Variants in CDHR4 observed in about 807,000 individuals in gnomAD.
The protein encoded by CDHR4 is cadherin related family member 4.
Under a neutral mutation model 88.4 loss-of-function variants are expected in CDHR4, and 89 were observed. The ratio of observed to expected loss-of-function variants is 1.01; its 90% CI spans 0.85 to 1.20. The LOEUF (loss-of-function observed/expected upper bound fraction) is 1.20, where lower values mean the gene tolerates loss of function less well. CDHR4 is among the 50% of genes most tolerant of loss of function. The pLI is 0.00. For synonymous variants in CDHR4, 368 were observed against 399.2 expected, an observed-to-expected ratio of 0.92 and a Z score of 0.93; for missense variants, 914 against 1,007.2, an observed-to-expected ratio of 0.91 and a Z score of 1.25.
At position 49,795,881 on chromosome 3, in the gene CDHR4, C is replaced by A; in HGVS notation, c.710+62G>T. 4.0e-6 allele frequency: 6 copies of A among 1,515,524 alleles called. No individual in the cohort carries two copies. Among genetic ancestry groups the A allele is most frequent in the Non-Finnish European group, 5.3e-6 (6 of 1,126,778 alleles). 93.9% of individuals were successfully genotyped at this position (1,515,524 alleles called of 1,614,324 possible). A position where few individuals can be genotyped will look rare whatever the true frequency, so the allele number is the denominator to read the frequency against. On this transcript the variant is annotated intron_variant, in intron 6 of 18. Coordinates refer to ENST00000412678, the MANE Select transcript of CDHR4 (RefSeq NM_001007540.4). The surrounding 1 kb of genome is among the most constrained non-coding windows in gnomAD (Gnocchi z 5.4). ...GGGACTCAGCTCCAGCAGCCTCACC[C>A]TACCTGATTCCCTGGGGCTAGGCCC...
Position 49,795,353 on chromosome 3 carries a change from G to A in CDHR4, c.874C>T (p.Pro292Ser). Residue 292 changes from proline (P) to serine (S), a missense_variant, in exon 8 of 19, where the codon CCC (proline) becomes TCC (serine). Pro to Ser is a moderately conservative substitution (Grantham distance 74, BLOSUM62 -1). Transcript: ENST00000412678. The surrounding 1 kb of genome is among the most constrained non-coding windows in gnomAD (Gnocchi z 5.4). Reference sequence around the variant, plus strand: ...CCTGAGGTGCGAGCTAACTCTAGGGGCGTGGTGGTCCGGACCACACCGTCT... The same window carrying A: ...CCTGAGGTGCGAGCTAACTCTAGGGACGTGGTGGTCCGGACCACACCGTCT... ...RADGVVRTTTPLELARTSGTA... is the reference protein window; with the variant it reads ...RADGVVRTTTSLELARTSGTA... 1.3e-6 allele frequency: 2 copies of A among 1,551,194 alleles called. No homozygotes were observed. The highest frequency in any genetic ancestry group is 2.7e-5 in the African/African-American group (2 of 73,132).
Position 49,791,436 on chromosome 3 carries a change from C to T in CDHR4, c.2311+5G>A, listed in dbSNP as rs1479289310. The T allele has an allele frequency of 1.3e-6, 2 of 1,543,040 alleles. No homozygotes were observed. Among genetic ancestry groups the T allele is most frequent in the South Asian group, 1.2e-5 (1 of 82,460 alleles). On this transcript the variant is annotated splice_donor_5th_base_variant and intron_variant, in intron 18 of 18. Coordinates refer to ENST00000412678, the MANE Select transcript of CDHR4 (RefSeq NM_001007540.4). ...AGAGAATAGCTTAGGAAGAGGGGGA[C>T]TCACGGGAGTCCTGTGCTCTGCCAT... is the stretch of plus-strand genomic sequence containing the variant.
chr3:49,796,909 A>G lies in CDHR4; in HGVS notation c.606+13T>C. 1.3e-6 allele frequency: 2 copies of G among 1,546,610 alleles called. No homozygotes were observed. The highest frequency in any genetic ancestry group is 8.8e-7 in the Non-Finnish European group (1 of 1,142,514). ...CAATCCATAAACACCCTCAGATTCCAGGTCATGCTCACCTTTTGAGCCTGG... is the reference window on the plus strand; with the variant it reads ...CAATCCATAAACACCCTCAGATTCCGGGTCATGCTCACCTTTTGAGCCTGG... On this transcript the variant is annotated intron_variant, in intron 5 of 18. Transcript: ENST00000412678.
chr3:49,790,852 C>CTG lies in CDHR4; in HGVS notation c.2345_2346dup (p.Gly783GlnfsTer11), dbSNP rs779824210. 103 of 1,551,194 alleles carry CTG rather than the reference C, an allele frequency of 6.6e-5. No individual in the cohort carries two copies. Among genetic ancestry groups the CTG allele is most frequent in the East Asian group, 3.7e-4 (15 of 40,938 alleles). On this transcript the variant is annotated frameshift_variant, in exon 19 of 19. Transcript: ENST00000412678. LOFTEE classifies it high-confidence loss of function. ...TGGCCTCAGAGCCAGCGCCGGGCTCCTGTGTGTGTGTTAAACAGGTAGTCT... is the reference window on the plus strand; with the variant it reads ...TGGCCTCAGAGCCAGCGCCGGGCTCCTGTGTGTGTGTGTTAAACAGGTAGTCT...
upstream of CDHR4, among the ~76,000 whole-genome samples, chr3:49,801,291 G>A (rs1559426159): frequency 6.6e-6 from 1 of 152,126 alleles, no homozygotes; most frequent in Non-Finnish European, 1.5e-5. Context: ...ATTTCTCCTG[G>A]CTGTTCCTGC....
chr3:49,794,077 G>T, intron 10 of CDHR4, 71 bp from the exon 11 acceptor site: 1 of 1,449,026 alleles, frequency 6.9e-7, no homozygotes, highest in Non-Finnish European at 9.4e-7. Flanking sequence ...TGAGGAGGGA[G>T]ACAGGGCCCT....
At position 49,792,836 on chromosome 3, in the gene CDHR4, C is replaced by T. The variant is rs1270803798; in HGVS notation, c.1995+18G>A. On this transcript the variant is annotated intron_variant, in intron 14 of 18. Transcript: ENST00000412678. The stretch of plus-strand genomic sequence containing the variant: ...TCCACCCTTCCCACCCTGCTGAGGG[C>T]CCAAGGAGCCTCCTCACTGTGGTTC... 2.6e-6 allele frequency: 4 copies of T among 1,519,256 alleles called. No homozygotes were observed. Among genetic ancestry groups the T allele is most frequent in the Admixed American group, 2.0e-5 (1 of 48,840 alleles). The allele number at this position is 1,519,256 out of a possible 1,614,324, so 94.1% of individuals were successfully genotyped here. A position where few individuals can be genotyped will look rare whatever the true frequency, so the allele number is the denominator to read the frequency against.
In CDHR4 at chr3:49,796,362, C is replaced by CT. The variant is rs1379863533; in HGVS notation, c.607-317dup. Among the ~76,000 whole-genome samples, 529 of 146,056 alleles carry CT rather than the reference C, an allele frequency of 3.6e-3. 4 individuals carry two copies. The highest frequency in any genetic ancestry group is 9.5e-3 in the African/African-American group (380 of 40,126). ...ACTGCACTGACCATTTTACTCAGAA[C>CT]TTTTTTTTTTTTTGCCCATGTTGGA... On this transcript the variant is annotated intron_variant, in intron 5 of 18. Coordinates refer to ENST00000412678, the MANE Select transcript of CDHR4 (RefSeq NM_001007540.4).
Position 49,793,976 on chromosome 3 carries a change from G to T in CDHR4, c.1310C>A (p.Pro437His). The T allele has an allele frequency of 1.9e-6, 3 of 1,551,686 alleles. No homozygotes were observed. The highest frequency in any genetic ancestry group is 2.6e-6 in the Non-Finnish European group (3 of 1,147,002). ...ACAGGCTGGGGAGAACTCGTTGATGGGTGTCACCATCACCAGTACCGGCAC... is the reference window on the plus strand; with the variant it reads ...ACAGGCTGGGGAGAACTCGTTGATGTGTGTCACCATCACCAGTACCGGCAC... ...TEVPVLVMVT[P>H]INEFSPACAP... Residue 437 changes from proline to histidine, a missense_variant, in exon 11 of 19, where the codon CCC becomes CAC. Pro to His is a moderately conservative substitution (Grantham distance 77). Coordinates refer to ENST00000412678, the MANE Select transcript of CDHR4 (RefSeq NM_001007540.4).
chr3:49,791,469 C>T lies in CDHR4; in HGVS notation c.2284-1G>A. 6.5e-7 allele frequency: 1 copy of T among 1,545,008 alleles called. No individual in the cohort carries two copies. The highest frequency in any genetic ancestry group is 8.7e-7 in the Non-Finnish European group (1 of 1,145,122). Reference sequence around the variant, plus strand: ...AGTCCTGTGCTCTGCCATCAAAATGCTGCTGAGGGAAAAAAAAAAAAGATG... The same window carrying T: ...AGTCCTGTGCTCTGCCATCAAAATGTTGCTGAGGGAAAAAAAAAAAAGATG... On this transcript the variant is annotated splice_acceptor_variant, in intron 17 of 18. Transcript: ENST00000412678. LOFTEE classifies it high-confidence loss of function.
Position 49,798,995 on chromosome 3 carries a change from T to G in CDHR4, c.402A>C (p.Pro134=). 1 of 1,609,722 alleles carries G rather than the reference T, an allele frequency of 6.2e-7. No homozygotes were observed. The highest frequency in any genetic ancestry group is 8.5e-7 in the Non-Finnish European group (1 of 1,178,232). Reference sequence around the variant, plus strand: ...CCTGCCGGCTGCCCCTGGCCTCACCTGGGCTGGCAAATTGACCAGCACACT... The same window carrying G: ...CCTGCCGGCTGCCCCTGGCCTCACCGGGGCTGGCAAATTGACCAGCACACT... The part of the protein sequence containing the change: ...HIQCAGQFAS[P]AGEMIQVPET... The change falls in exon 3 of 19, where the codon CCA becomes CCC. Residue 134 remains proline (P), a splice_region_variant and synonymous_variant. Coordinates refer to ENST00000412678, the MANE Select transcript of CDHR4 (RefSeq NM_001007540.4).
chr3:49,791,294 G>T, intron 18 of CDHR4, 147 bp downstream of exon 18: 1 of 839,920 alleles, frequency 1.2e-6, no homozygotes, highest in Non-Finnish European at 1.8e-6. Context: ...GAGCGGGGAT[G>T]AGAGCAGACC....
chr3:49,795,370 A>C lies in CDHR4; in HGVS notation c.857T>G (p.Val286Gly). The C allele has an allele frequency of 6.4e-7, 1 of 1,550,420 alleles. No homozygotes were observed. The highest frequency in any genetic ancestry group is 8.7e-7 in the Non-Finnish European group (1 of 1,146,898). ...CTCTAGGGGCGTGGTGGTCCGGACCACACCGTCTGCTGCATGGGGTGAGAG... is the reference window on the plus strand; with the variant it reads ...CTCTAGGGGCGTGGTGGTCCGGACCCCACCGTCTGCTGCATGGGGTGAGAG... ...PLFSIGRADG[V>G]VRTTTPLELA... Residue 286 changes from valine (V) to glycine (G), a missense_variant, in exon 8 of 19, where the codon GTG (valine) becomes GGG (glycine). Physicochemically the swap from Val to Gly is moderately radical, Grantham distance 109. Transcript: ENST00000412678. This position sits in a 1 kb window ranked among gnomAD's most constrained non-coding sequence, Gnocchi z 5.4.
chr3:49,793,755 G>A, intron 11 of CDHR4, 33 bp from the exon 12 acceptor site: 1 of 1,551,560 alleles, frequency 6.4e-7, no homozygotes, highest in Non-Finnish European at 8.7e-7. Context: ...CAGCCTGCAG[G>A]GCCAACTCTG....
chr3:49,795,250 A>T lies in CDHR4; in HGVS notation c.977T>A (p.Met326Lys), dbSNP rs1430714105. 1 of 1,551,616 alleles carries T rather than the reference A, an allele frequency of 6.4e-7. No homozygotes were observed. Among genetic ancestry groups the T allele is most frequent in the Non-Finnish European group, 8.7e-7 (1 of 1,146,970 alleles). The change falls in exon 8 of 19, where the codon ATG becomes AAG. Residue 326 changes from methionine (M) to lysine (K), a missense_variant. Met to Lys is a moderately conservative substitution (Grantham distance 95, BLOSUM62 -1). Coordinates refer to ENST00000412678, the MANE Select transcript of CDHR4 (RefSeq NM_001007540.4). This position sits in a 1 kb window ranked among gnomAD's most constrained non-coding sequence, Gnocchi z 5.4. ...CCAGAGGTTGACCAGCTGCACATTCATGGTGAGATTGAGCTTGGCACTGGC... is the reference window on the plus strand; with the variant it reads ...CCAGAGGTTGACCAGCTGCACATTCTTGGTGAGATTGAGCTTGGCACTGGC... ...LWASAKLNLT[M>K]NVQLVNLWPP...
chr3:49,793,966 C>G lies in CDHR4; in HGVS notation c.1320G>C (p.Glu440Asp). The G allele has an allele frequency of 6.4e-7, 1 of 1,551,750 alleles. No homozygotes were observed. The highest frequency in any genetic ancestry group is 8.7e-7 in the Non-Finnish European group (1 of 1,147,010). Reference sequence around the variant, plus strand: ...TGCGAGGGGCACAGGCTGGGGAGAACTCGTTGATGGGTGTCACCATCACCA... The same window carrying G: ...TGCGAGGGGCACAGGCTGGGGAGAAGTCGTTGATGGGTGTCACCATCACCA... ...PVLVMVTPIN[E>D]FSPACAPRTF... The change falls in exon 11 of 19, where the codon GAG (glutamate) becomes GAC (aspartate). Residue 440 changes from glutamate (E) to aspartate (D), a missense_variant. Glu to Asp is a conservative substitution (Grantham distance 45). Coordinates refer to ENST00000412678, the MANE Select transcript of CDHR4 (RefSeq NM_001007540.4).
At position 49,793,591 on chromosome 3, in the gene CDHR4, C is replaced by T. The variant is rs1267336186; in HGVS notation, c.1615G>A (p.Glu539Lys). 10 of 1,551,722 alleles carry T rather than the reference C, an allele frequency of 6.4e-6. No homozygotes were observed. Among genetic ancestry groups the T allele is most frequent in the East Asian group, 2.4e-5 (1 of 40,924 alleles). The change falls in exon 12 of 19, where the codon GAG becomes AAG. Residue 539 changes from glutamate to lysine, a missense_variant. Glu to Lys is a moderately conservative substitution (Grantham distance 56). Coordinates refer to ENST00000412678, the MANE Select transcript of CDHR4 (RefSeq NM_001007540.4). ...HLSGSCTITI[E>K]VEDVNDHAPE... is the part of the protein sequence containing the mutation. ...CCTTAGGACGCAATTACCTCAACCT[C>T]GATGGTAATGGTACAGGAGCCTGAG...
Position 49,791,749 on chromosome 3 carries a change from C to G in CDHR4, c.2248G>C (p.Glu750Gln). ...ACACTGCTGGGTGCCTGGGACATCTCCATCTTCGGTGCCTCCAGGAAACCC... is the reference window on the plus strand; with the variant it reads ...ACACTGCTGGGTGCCTGGGACATCTGCATCTTCGGTGCCTCCAGGAAACCC... ...IEGFLEAPKM[E>Q]MSQAPSSVMS... The change falls in exon 17 of 19, where the codon GAG becomes CAG. Residue 750 changes from glutamate (E) to glutamine (Q), a missense_variant. By Grantham distance (29) the Glu-to-Gln change is conservative. Coordinates refer to ENST00000412678, the MANE Select transcript of CDHR4 (RefSeq NM_001007540.4). 1.3e-6 allele frequency: 2 copies of G among 1,551,700 alleles called. No homozygotes were observed. The highest frequency in any genetic ancestry group is 1.4e-5 in the African/African-American group (1 of 73,174).
intron 1 of CDHR4, 108 bp from the exon 2 acceptor site, chr3:49,799,545 A>C: frequency 8.0e-7 from 1 of 1,248,198 alleles, no homozygotes; most frequent in Non-Finnish European, 1.1e-6. Context: ...CATGGGGCCA[A>C]GCAGCTAAGG....
Sources: allele counts gnomAD v4.1 joint callset (sites outside exome capture counted in the v4.1 genomes callset), GRCh38; gene constraint gnomAD v4.1.1; non-coding constraint Gnocchi (gnomAD v3.1); transcripts MANE v1.5; gene names NCBI Gene and HGNC (gene_info 2026-07-23, HGNC 2026-07-21).